CACNA2D1: variants seen among roughly 807,000 people sequenced by gnomAD.
The protein encoded by CACNA2D1 is calcium voltage-gated channel auxiliary subunit alpha2delta 1, also known as voltage-dependent calcium channel subunit alpha-2/delta-1.
Under a neutral mutation model 171.5 loss-of-function variants are expected in CACNA2D1, and 53 were observed. The ratio of observed to expected loss-of-function variants is 0.31; its 90% CI spans 0.25 to 0.39. The LOEUF is 0.39. CACNA2D1 is among the 10% of genes least tolerant of loss of function. The pLI, the probability that CACNA2D1 is intolerant of heterozygous loss-of-function variation, is 1.00. For synonymous variants in CACNA2D1, 442 were observed against 443.1 expected (o/e 1.00, Z 0.03); for missense variants, 903 against 1,299.8 (o/e 0.69, Z 4.69).
At chr7:81,967,022 T>TTGAATATATTATTTTCAATCAAA (rs1794768422) in intron 31 of CACNA2D1, 147 bp downstream of exon 31, 1 of 621,392 alleles carries the variant, frequency 1.6e-6, no homozygotes, top group African/African-American at 1.9e-5. Flanking sequence ...AGCATACAAA[T>TTGAATATATTATTTTCAATCAAA]TCAAATGAAT....
At chr7:81,967,127 G>A in intron 31 of CACNA2D1, 42 bp downstream of exon 31, 1 of 1,484,094 alleles carries the variant, frequency 6.7e-7, no homozygotes, top group Non-Finnish European at 9.4e-7. Flanking sequence ...AGTAACACAA[G>A]GAAATATTGT....
At chr7:82,227,782 T>C (rs766803165) in intron 3 of CACNA2D1, among the ~76,000 whole-genome samples, 3 of 152,204 alleles carry the variant, frequency 2.0e-5, no homozygotes, top group Non-Finnish European at 2.9e-5. Context: ...TCTATATATT[T>C]TATTAACATT....
In CACNA2D1 at chr7:81,984,714, G is replaced by A. The variant is rs1267778419; in HGVS notation, c.1797-3C>T. ...AGGTTGGTAATACCAAGGCCAAACT[G>A]CAATAGAAACAAGAGAAGCATAAAC... On this transcript the variant is annotated splice_polypyrimidine_tract_variant and splice_region_variant and intron_variant, in intron 21 of 38. Transcript: ENST00000356860. 1 of 1,483,248 alleles carries A rather than the reference G, an allele frequency of 6.7e-7. No homozygotes were observed. The highest frequency in any genetic ancestry group is 1.4e-5 in the African/African-American group (1 of 72,524). The allele number at this position is 1,483,248 out of a possible 1,614,324, so 91.9% of individuals were successfully genotyped here.
intron 3 of CACNA2D1, among the ~76,000 whole-genome samples, chr7:82,199,497 TG>T (rs979779428): frequency 9.9e-5 from 15 of 152,140 alleles, no homozygotes; most frequent in African/African-American, 3.6e-4. Flanking sequence ...GCTGGCTTTG[TG>T]GGAGAACTTT....
intron 3 of CACNA2D1, among the ~76,000 whole-genome samples, chr7:82,173,619 G>T (rs912780673): frequency 2.0e-5 from 3 of 148,140 alleles, no homozygotes; most frequent in Admixed American, 6.6e-5. Flanking sequence ...CAAACCAGCC[G>T]GTCATTACTT....
intron 38 of CACNA2D1, 86 bp downstream of exon 38, chr7:81,959,189 T>A: frequency 1.0e-6 from 1 of 954,024 alleles, no homozygotes; most frequent in Admixed American, 1.7e-5. Context: ...TACGTTTGAG[T>A]TAAAATTGCA....
In CACNA2D1 at chr7:82,058,717, G is replaced by C. The variant is rs552583691; in HGVS notation, c.879+1711C>G. On this transcript the variant is annotated intron_variant, in intron 10 of 38. Coordinates refer to ENST00000356860, the MANE Select transcript of CACNA2D1 (RefSeq NM_000722.4). ...GACTTCTGAAGGTTCAGATGAAGTA[G>C]ATAGAGGCCTCACACGGAGGAGGGC... 4.6e-5 allele frequency among the ~76,000 whole-genome samples: 7 copies of C among 152,272 alleles called. No individual in the cohort carries two copies. The South Asian group carries it at 1.2e-3, about 27-fold the overall frequency.
chr7:82,202,980 G>A (rs1799623103), intron 3 of CACNA2D1, among the ~76,000 whole-genome samples: 1 of 152,140 alleles, frequency 6.6e-6, no homozygotes, highest in Non-Finnish European at 1.5e-5. Flanking sequence ...GGAGACAGTT[G>A]TCCCCAGAGC....
chr7:82,126,373 C>T (rs1790338692), intron 5 of CACNA2D1, among the ~76,000 whole-genome samples: 1 of 152,154 alleles, frequency 6.6e-6, no homozygotes, highest in African/African-American at 2.4e-5. Flanking sequence ...TCTTAAAAGA[C>T]TTAAGCAACA....
chr7:82,360,516 C>A (rs980393028), intron 1 of CACNA2D1, among the ~76,000 whole-genome samples: 1 of 152,134 alleles, frequency 6.6e-6, no homozygotes, highest in African/African-American at 2.4e-5. Flanking sequence ...ATTAACATAA[C>A]AAGACATCCT....
intron 1 of CACNA2D1, among the ~76,000 whole-genome samples, chr7:82,395,462 T>A (rs1016308142): frequency 6.6e-6 from 1 of 152,190 alleles, no homozygotes; most frequent in African/African-American, 2.4e-5. Flanking sequence ...ATATTAGTAG[T>A]AATTCAACGT....
At chr7:81,988,882 T>C (rs750770602) in intron 21 of CACNA2D1, among the ~76,000 whole-genome samples, 9 of 152,180 alleles carry the variant, frequency 5.9e-5, no homozygotes, top group Non-Finnish European at 8.8e-5. Context: ...TGATAATCAG[T>C]AGAAATAAGT....
intron 3 of CACNA2D1, among the ~76,000 whole-genome samples, chr7:82,274,697 G>T (rs1809087103): frequency 6.6e-6 from 1 of 151,984 alleles, no homozygotes; most frequent in African/African-American, 2.4e-5. Context: ...TAATGTACAG[G>T]GGCTCATATG....
chr7:82,373,487 A>C (rs917247105), intron 1 of CACNA2D1, among the ~76,000 whole-genome samples: 4 of 152,234 alleles, frequency 2.6e-5, no homozygotes, highest in Admixed American at 2.0e-4. Context: ...TGTGCTGTCA[A>C]TTCCCCCTTT....
intron 3 of CACNA2D1, among the ~76,000 whole-genome samples, chr7:82,229,459 A>AG (rs1213021191): frequency 6.6e-6 from 1 of 152,136 alleles, no homozygotes; most frequent in Admixed American, 6.6e-5. Context: ...GAATAGTCAG[A>AG]GCTCGATCAC....
intron 3 of CACNA2D1, among the ~76,000 whole-genome samples, chr7:82,276,397 C>T (rs746295419): frequency 1.3e-5 from 2 of 152,178 alleles, no homozygotes; most frequent in Non-Finnish European, 2.9e-5. Flanking sequence ...AAACTAATGA[C>T]GTAGAGAAGC....
chr7:82,066,313 C>T (rs1211193502), intron 8 of CACNA2D1, 142 bp downstream of exon 8: 2 of 1,120,268 alleles, frequency 1.8e-6, no homozygotes, highest in South Asian at 1.6e-5. Context: ...TTTACCTTTA[C>T]CTATATTTAC....
At chr7:82,397,349 C>A (rs1292460965) in intron 1 of CACNA2D1, among the ~76,000 whole-genome samples, 1 of 151,988 alleles carries the variant, frequency 6.6e-6, no homozygotes, top group Non-Finnish European at 1.5e-5. Context: ...TTTTAATATA[C>A]CTATACTTGG....
chr7:82,063,276 CTTAAGAAG>C (rs1807175132), intron 9 of CACNA2D1, among the ~76,000 whole-genome samples: 1 of 151,974 alleles, frequency 6.6e-6, no homozygotes, highest in South Asian at 2.1e-4. Context: ...TTGATTTATA[CTTAAGAAG>C]AATATCAAGG....
Sources: gnomAD v4.1 joint callset for allele counts (sites outside exome capture counted in the v4.1 genomes callset) on GRCh38, gnomAD v4.1.1 for gene constraint, MANE v1.5 for transcripts, NCBI Gene and HGNC (gene_info 2026-07-23, HGNC 2026-07-21) for gene names.